The following SORCS1 variants were observed in gnomAD, a reference collection of about 807,000 sequenced individuals.
SORCS1 encodes VPS10 domain-containing receptor SorCS1.
In SORCS1, 60 loss-of-function variants were observed where a neutral mutation model predicts 146.1. That is an observed-to-expected ratio of 0.41 (90% CI 0.33 to 0.51). The LOEUF (loss-of-function observed/expected upper bound fraction) is 0.51. SORCS1 is among the 20% of genes least tolerant of loss of function. SORCS1 has a pLI of 0.21. For synonymous variants in SORCS1, 637 were observed against 584.0 expected, an observed-to-expected ratio of 1.09 and a Z score of -1.31; for missense variants, 1,352 against 1,487.6, an observed-to-expected ratio of 0.91 and a Z score of 1.50.
At chr10:106,853,724 A>G (rs1420641867) in intron 2 of SORCS1, among the ~76,000 whole-genome samples, 1 of 152,104 alleles carries the variant, frequency 6.6e-6, no homozygotes, top group Non-Finnish European at 1.5e-5. Flanking sequence ...TGTGATATTT[A>G]GAAGCATGTT....
chr10:106,908,502 T>C (rs1413010284), intron 2 of SORCS1, among the ~76,000 whole-genome samples: 1 of 152,118 alleles, frequency 6.6e-6, no homozygotes, highest in East Asian at 1.9e-4. Context: ...ATGACTTCTG[T>C]CCCCTCTCTG....
At chr10:106,748,989 A>C (rs1191265735) in intron 5 of SORCS1, among the ~76,000 whole-genome samples, 1 of 152,202 alleles carries the variant, frequency 6.6e-6, no homozygotes, top group Non-Finnish European at 1.5e-5. Flanking sequence ...CATTTAAGTT[A>C]TGGAGGAACA....
At chr10:106,902,842 G>C in intron 2 of SORCS1, among the ~76,000 whole-genome samples, 1 of 152,222 alleles carries the variant, frequency 6.6e-6, no homozygotes, top group East Asian at 1.9e-4. Flanking sequence ...ACTTTGGGAG[G>C]CCAAGGCGAG....
intron 1 of SORCS1, among the ~76,000 whole-genome samples, chr10:106,981,970 C>T (rs929213365): frequency 3.9e-5 from 6 of 152,182 alleles, no homozygotes; most frequent in African/African-American, 7.2e-5. Context: ...CCCCAACACC[C>T]ATTCAAACAT....
chr10:106,730,089 G>A lies in SORCS1; in HGVS notation c.985C>T (p.Pro329Ser). The A allele has an allele frequency of 6.2e-7, 1 of 1,614,074 alleles. No homozygotes were observed. The highest frequency in any genetic ancestry group is 8.5e-7 in the Non-Finnish European group (1 of 1,180,006). The change falls in exon 6 of 26, where the codon CCA (proline) becomes TCA (serine). Residue 329 changes from proline to serine, a missense_variant. This residue lies in a region of SORCS1 where 490 missense variants were observed against 489.1 expected (regional missense o/e 1.00). Transcript: ENST00000263054. ...YWSVMGSNKE[P>S]DLVHLEARTV... ...CTGGCCTCAAGATGCACAAGGTCTG[G>A]TTCTTTATTTGACCCCATCACAGAC...
chr10:106,821,706 G>A (rs921070718), intron 3 of SORCS1, among the ~76,000 whole-genome samples: 1 of 152,262 alleles, frequency 6.6e-6, no homozygotes, highest in East Asian at 1.9e-4. Flanking sequence ...CGGATCCCGA[G>A]GTCAGGAGAT....
chr10:106,811,404 G>T (rs573633612), intron 3 of SORCS1, among the ~76,000 whole-genome samples: 1 of 152,278 alleles, frequency 6.6e-6, no homozygotes, highest in East Asian at 1.9e-4. Flanking sequence ...CCTCTGTTTA[G>T]TAAAGTGTAG....
At chr10:106,700,143 T>A (rs1854026286) in intron 8 of SORCS1, among the ~76,000 whole-genome samples, 1 of 152,206 alleles carries the variant, frequency 6.6e-6, no homozygotes, top group South Asian at 2.1e-4. Context: ...ATAGCCTGCA[T>A]AACTGATGAT....
chr10:106,776,692 T>A lies in SORCS1; in HGVS notation c.727A>T (p.Ile243Leu), dbSNP rs1860459589. The change falls in exon 4 of 26, where the codon ATA becomes TTA. Residue 243 changes from isoleucine (I) to leucine (L), a missense_variant and splice_region_variant. Ile to Leu is a conservative substitution (Grantham distance 5). Coordinates refer to ENST00000263054, the MANE Select transcript of SORCS1 (RefSeq NM_052918.5). ...LYVCPTNKRK[I>L]MLLTDPEIES... ...ATCTCCGGGTCTGTGAGTAACATTA[T>A]CTGCAGCAAAGAATTGTTGGAGAAA... 6.2e-7 allele frequency: 1 copy of A among 1,602,756 alleles called. No homozygotes were observed. The highest frequency in any genetic ancestry group is 1.7e-5 in the Admixed American group (1 of 58,480).
At chr10:106,607,479 C>T (rs866122493) in intron 22 of SORCS1, among the ~76,000 whole-genome samples, 182 bp from the exon 23 acceptor site, 3 of 152,198 alleles carry the variant, frequency 2.0e-5, no homozygotes, top group Admixed American at 2.0e-4. Context: ...GGTCCAGGCT[C>T]CGGAGTCAGG....
Position 106,618,207 on chromosome 10 carries a change from T to C in SORCS1, c.2862A>G (p.Thr954=). The change falls in exon 21 of 26, where the codon ACA becomes ACG. Residue 954 remains threonine (T), a synonymous_variant. Coordinates refer to ENST00000263054, the MANE Select transcript of SORCS1 (RefSeq NM_052918.5). ...RFTSEGMNTI[T]VQVSAGNAIL... is the part of the protein sequence containing the mutation. ...TGGCATTCCCAGCTGAGACCTGCAC[T>C]GTGATGGTATTCATTCCTTCTGAAG... 6.2e-7 allele frequency: 1 copy of C among 1,614,118 alleles called. No individual in the cohort carries two copies. The highest frequency in any genetic ancestry group is 8.5e-7 in the Non-Finnish European group (1 of 1,179,972).
At chr10:106,918,537 A>G (rs1401106017) in intron 2 of SORCS1, among the ~76,000 whole-genome samples, 1 of 152,036 alleles carries the variant, frequency 6.6e-6, no homozygotes, top group Non-Finnish European at 1.5e-5. Flanking sequence ...ACAATGTCTC[A>G]CCAAACAGTA....
intron 1 of SORCS1, among the ~76,000 whole-genome samples, chr10:107,135,957 T>C (rs1023161399): frequency 1.3e-5 from 2 of 152,194 alleles, no homozygotes; most frequent in African/African-American, 2.4e-5. Context: ...CATATGGTTG[T>C]TATAGCAACT....
intron 10 of SORCS1, among the ~76,000 whole-genome samples, chr10:106,683,252 C>G (rs557110484): frequency 6.6e-6 from 1 of 152,176 alleles, no homozygotes; most frequent in Non-Finnish European, 1.5e-5. Context: ...TTTAACTGAT[C>G]CATTATTATT....
chr10:106,936,547 T>G (rs1196634502), intron 2 of SORCS1, among the ~76,000 whole-genome samples: 1 of 152,226 alleles, frequency 6.6e-6, no homozygotes, highest in African/African-American at 2.4e-5. Context: ...CTACTATTCA[T>G]CTGGAGCTTC....
intron 3 of SORCS1, among the ~76,000 whole-genome samples, chr10:106,787,216 G>A (rs1331994428): frequency 6.6e-6 from 1 of 152,058 alleles, no homozygotes; most frequent in Non-Finnish European, 1.5e-5. Flanking sequence ...GCTCTTCTAT[G>A]CTCACAGAGA....
chr10:107,152,052 ATGGTGCCC>A (rs1475623131), intron 1 of SORCS1, among the ~76,000 whole-genome samples: 2 of 152,146 alleles, frequency 1.3e-5, no homozygotes, highest in Admixed American at 1.3e-4. Flanking sequence ...GCCTCAGGAT[ATGGTGCCC>A]TGCATCCCAG....
chr10:107,162,410 A>G (rs1969779638), intron 1 of SORCS1, among the ~76,000 whole-genome samples: 1 of 152,214 alleles, frequency 6.6e-6, no homozygotes, highest in Non-Finnish European at 1.5e-5. Flanking sequence ...AGTTCAAATT[A>G]GAGGATTAAT....
At chr10:107,025,650 C>T (rs1324791579) in intron 1 of SORCS1, among the ~76,000 whole-genome samples, 1 of 152,126 alleles carries the variant, frequency 6.6e-6, no homozygotes, top group Non-Finnish European at 1.5e-5. Flanking sequence ...CAAGGGTACT[C>T]CAAAGAGAAT....
Sources: gnomAD v4.1 joint callset for allele counts (sites outside exome capture counted in the v4.1 genomes callset) on GRCh38, gnomAD v4.1.1 for gene constraint, gnomAD v4.1.1 regional missense constraint, MANE v1.5 for transcripts, NCBI Gene and HGNC (gene_info 2026-07-23, HGNC 2026-07-21) for gene names.